The following RERE variants were observed in gnomAD, a reference collection of about 807,000 sequenced individuals.
The protein encoded by RERE is arginine-glutamic acid dipeptide repeats protein.
A neutral mutation model predicts 146.1 loss-of-function variants in RERE; 40 were observed. That is an observed-to-expected ratio of 0.27 (90% CI 0.21 to 0.36). The LOEUF is 0.36. Ranked by LOEUF, RERE falls within the 10% of genes least tolerant of loss-of-function variation. RERE has a pLI of 1.00. For missense variants in RERE, 1,933 were observed against 2,138.7 expected (o/e 0.90, Z 1.90); for synonymous variants, 1,003 against 866.0 (o/e 1.16, Z -2.78).
intron 1 of RERE, among the ~76,000 whole-genome samples, chr1:8,657,864 T>A (rs1638359607): frequency 6.6e-6 from 1 of 152,156 alleles, no homozygotes; most frequent in Admixed American, 6.5e-5. Context: ...AAATGTATTG[T>A]CTCTGCCTTA....
At chr1:8,645,404 AC>A (rs1213182961) in intron 2 of RERE, among the ~76,000 whole-genome samples, 1 of 152,214 alleles carries the variant, frequency 6.6e-6, no homozygotes, top group Non-Finnish European at 1.5e-5. Context: ...GTAGTCTGCC[AC>A]AGGTAAGTGA....
intron 7 of RERE, among the ~76,000 whole-genome samples, chr1:8,515,320 C>T (rs1645399424): frequency 6.6e-6 from 1 of 151,946 alleles, no homozygotes; most frequent in African/African-American, 2.4e-5. Flanking sequence ...TATGATCACA[C>T]CACTGCACTC....
At chr1:8,508,529 C>T (rs1645287471) in intron 8 of RERE, 98 bp downstream of exon 8, 1 of 934,072 alleles carries the variant, frequency 1.1e-6, no homozygotes, top group African/African-American at 1.7e-5. Context: ...TTCCCGATAG[C>T]AATAACCACA....
chr1:8,411,467 T>A (rs1382831228), intron 12 of RERE, among the ~76,000 whole-genome samples: 1 of 152,024 alleles, frequency 6.6e-6, no homozygotes, highest in Non-Finnish European at 1.5e-5. Context: ...GATGGGCAAA[T>A]CCACCCCAGA....
chr1:8,694,840 C>T (rs1639288001), intron 1 of RERE, among the ~76,000 whole-genome samples: 1 of 151,876 alleles, frequency 6.6e-6, no homozygotes, highest in Non-Finnish European at 1.5e-5. Flanking sequence ...AATGACCACA[C>T]TTTCCTAAGC....
In RERE at chr1:8,800,215, C is replaced by T. The variant is rs1195700099; in HGVS notation, c.-145+16945G>A. ...ACACCCCTGCAGTGAGCCATGATCACACCACTGCACTCCAGCATGGGCTAC... is the reference window on the plus strand; with the variant it reads ...ACACCCCTGCAGTGAGCCATGATCATACCACTGCACTCCAGCATGGGCTAC... On this transcript the variant is annotated intron_variant, in intron 1 of 22. Coordinates refer to ENST00000400908, the MANE Select transcript of RERE (RefSeq NM_001042681.2). Among the ~76,000 whole-genome samples, 4 of 150,584 alleles carry T rather than the reference C, an allele frequency of 2.7e-5. No homozygotes were observed. In the South Asian group the frequency reaches 6.3e-4, roughly 24 times the overall value.
At chr1:8,406,564 A>G (rs1033115222) in intron 12 of RERE, among the ~76,000 whole-genome samples, 16 of 152,214 alleles carry the variant, frequency 1.1e-4, no homozygotes, top group African/African-American at 3.9e-4. Context: ...GAATCTGGGT[A>G]AAGAATATAT....
chr1:8,486,771 AAGAAAAG>A (rs1417414108), intron 10 of RERE, among the ~76,000 whole-genome samples: 2 of 144,940 alleles, frequency 1.4e-5, no homozygotes, highest in Admixed American at 1.4e-4. Context: ...AAAAAAAAAA[AAGAAAAG>A]AAAGAAAAGA....
chr1:8,472,837 G>A (rs888308680), intron 10 of RERE, among the ~76,000 whole-genome samples: 2 of 151,768 alleles, frequency 1.3e-5, no homozygotes, highest in Non-Finnish European at 2.9e-5. Flanking sequence ...CATCACCACA[G>A]GTGTGTGGCA....
chr1:8,620,834 A>G (rs1203705527), intron 3 of RERE, among the ~76,000 whole-genome samples: 1 of 151,842 alleles, frequency 6.6e-6, no homozygotes, highest in Non-Finnish European at 1.5e-5. Flanking sequence ...TACTTTGGTC[A>G]GCGCATTCAA....
At chr1:8,689,061 C>G (rs1000479350) in intron 1 of RERE, among the ~76,000 whole-genome samples, 1 of 151,516 alleles carries the variant, frequency 6.6e-6, no homozygotes, top group South Asian at 2.1e-4. Flanking sequence ...AAAATCTATT[C>G]CAAGCTTTTA....
chr1:8,416,599 AAAAG>A lies in RERE; in HGVS notation c.1284+6124_1284+6127del, dbSNP rs1461602267. 3.5e-3 allele frequency among the ~76,000 whole-genome samples: 452 copies of A among 129,808 alleles called. 1 individual carries two copies. The highest frequency in any genetic ancestry group is 4.7e-3 in the East Asian group (22 of 4,640). 85.2% of individuals were successfully genotyped at this position (129,808 alleles called of 152,430 possible). On this transcript the variant is annotated intron_variant, in intron 12 of 22. Coordinates refer to ENST00000400908, the MANE Select transcript of RERE (RefSeq NM_001042681.2). Reference sequence around the variant, plus strand: ...AGACTCCATCTCCAAAAAAAAAAAAAAAAGAAAAGAAAAGAAAAGAAAAGAAATC... The same window carrying A: ...AGACTCCATCTCCAAAAAAAAAAAAAAAAAGAAAAGAAAAGAAAAGAAATC...
chr1:8,647,649 G>GTGTGTGTGTC (rs1647386506), intron 2 of RERE, among the ~76,000 whole-genome samples: 1 of 149,128 alleles, frequency 6.7e-6, no homozygotes, highest in Admixed American at 6.7e-5. Flanking sequence ...GTATGTGTGT[G>GTGTGTGTGTC]TGTGTGTGTG....
At chr1:8,766,430 C>T (rs1449491169) in intron 1 of RERE, among the ~76,000 whole-genome samples, 1 of 151,618 alleles carries the variant, frequency 6.6e-6, no homozygotes, top group Non-Finnish European at 1.5e-5. Flanking sequence ...ATCCCAGCTA[C>T]TCAGGAGGCT....
intron 12 of RERE, among the ~76,000 whole-genome samples, chr1:8,386,988 C>T (rs1260088597): frequency 3.9e-5 from 6 of 152,108 alleles, no homozygotes; most frequent in African/African-American, 1.2e-4. Context: ...TGGAACAAGA[C>T]AAGCTGATTT....
At position 8,355,572 on chromosome 1, in the gene RERE, C is replaced by T. The variant is rs1641256507; in HGVS notation, c.4514G>A (p.Gly1505Glu). ...FGTPYPRDLP[G>E]AIPPPMSAAH... ...TGCTGACATGGGGGGTGGGATGGCC[C>T]CAGGCAGGTCACGGGGGTAGGGGGT... The change falls in exon 22 of 23, where the codon GGG becomes GAG. Residue 1505 changes from glycine to glutamate, a missense_variant. Coordinates refer to ENST00000400908, the MANE Select transcript of RERE (RefSeq NM_001042681.2). The T allele has an allele frequency of 6.3e-7, 1 of 1,597,332 alleles. No homozygotes were observed. The highest frequency in any genetic ancestry group is 1.3e-5 in the African/African-American group (1 of 74,644).
intron 3 of RERE, among the ~76,000 whole-genome samples, chr1:8,618,095 ATACT>A (rs1198395383): frequency 1.3e-5 from 2 of 152,222 alleles, no homozygotes; most frequent in Non-Finnish European, 2.9e-5. Context: ...TATTCAATAA[ATACT>A]TACTGTGGAC....
rs1643716373 is a variant in RERE, at chr1:8,414,747, A to G, written c.1284+7980T>C. ...AATTAAAAAATTCAACATCTCGGAA[A>G]ACTTAGCTTAATGGAATTCTGGTAT... On this transcript the variant is annotated intron_variant, in intron 12 of 22. Coordinates refer to ENST00000400908, the MANE Select transcript of RERE (RefSeq NM_001042681.2). 3.3e-5 allele frequency among the ~76,000 whole-genome samples: 5 copies of G among 152,264 alleles called. No homozygotes were observed. The South Asian group carries it at 1.0e-3, about 32-fold the overall frequency.
At chr1:8,625,191 T>G (rs1646960218) in intron 2 of RERE, among the ~76,000 whole-genome samples, 1 of 152,164 alleles carries the variant, frequency 6.6e-6, no homozygotes, top group Non-Finnish European at 1.5e-5. Flanking sequence ...ACTCCTGGGC[T>G]CAAGCAATCC....
Sources: gnomAD v4.1 joint callset for allele counts (sites outside exome capture counted in the v4.1 genomes callset) on GRCh38, gnomAD v4.1.1 for gene constraint, MANE v1.5 for transcripts, NCBI Gene and HGNC (gene_info 2026-07-23, HGNC 2026-07-21) for gene names.